Variants in FBN2 observed in about 807,000 individuals in gnomAD.
FBN2 encodes the protein fibrillin 2.
In FBN2, 105 loss-of-function variants were observed where a neutral mutation model predicts 355.6. The ratio of observed to expected loss-of-function variants is 0.30; its 90% CI spans 0.25 to 0.35. The LOEUF (loss-of-function observed/expected upper bound fraction) is 0.35, where lower values mean the gene tolerates loss of function less well. Ranked by LOEUF, FBN2 falls within the 10% of genes least tolerant of loss-of-function variation. FBN2 has a pLI of 1.00. For synonymous variants in FBN2, 1,350 were observed against 1,301.2 expected, an observed-to-expected ratio of 1.04 and a Z score of -0.81; for missense variants, 3,280 against 3,758.7, an observed-to-expected ratio of 0.87 and a Z score of 3.33.
At chr5:128,433,985 C>G (rs547912646) in intron 7 of FBN2, among the ~76,000 whole-genome samples, 1 of 152,096 alleles carries the variant, frequency 6.6e-6, no homozygotes, top group Non-Finnish European at 1.5e-5. Flanking sequence ...GATTTTGTGT[C>G]TTCTAAAATA....
chr5:128,301,270 C>A, intron 47 of FBN2, 112 bp downstream of exon 47: 1 of 1,021,576 alleles, frequency 9.8e-7, no homozygotes, highest in Non-Finnish European at 1.5e-6. Context: ...TGGTCATGTG[C>A]TCTGATGATT....
At chr5:128,491,326 A>C (rs115982470) in intron 5 of FBN2, among the ~76,000 whole-genome samples, 2,359 of 152,340 alleles carry the variant, frequency 0.015, 66 homozygotes, top group African/African-American at 0.053. Context: ...TAACGCAATA[A>C]GAGCTTTTTA....
chr5:128,402,405 G>A (rs1301248393), intron 8 of FBN2, among the ~76,000 whole-genome samples: 1 of 151,684 alleles, frequency 6.6e-6, no homozygotes, highest in African/African-American at 2.4e-5. Flanking sequence ...AGGCTTACAA[G>A]GAGTCATATT....
chr5:128,428,221 C>T (rs1362875061), intron 7 of FBN2, among the ~76,000 whole-genome samples: 1 of 152,148 alleles, frequency 6.6e-6, no homozygotes, highest in Non-Finnish European at 1.5e-5. Flanking sequence ...CCCTTATTAT[C>T]TTGTTACTAC....
At chr5:128,288,663 G>C (rs1285724801) in intron 52 of FBN2, 106 bp from the exon 53 acceptor site, 2 of 1,299,542 alleles carry the variant, frequency 1.5e-6, no homozygotes, top group Admixed American at 1.7e-5. Context: ...ATCTGAGAAG[G>C]GCACATGTAA....
At chr5:128,353,375 AAAAGTTACAGGGC>A (rs1232713900) in intron 20 of FBN2, among the ~76,000 whole-genome samples, 2 of 152,192 alleles carry the variant, frequency 1.3e-5, no homozygotes, top group African/African-American at 4.8e-5. Context: ...GTACTGAATA[AAAAGTTACAGGGC>A]AAAGGTGTGA....
chr5:128,290,902 C>T lies in FBN2; in HGVS notation c.6293-18G>A. 1 of 1,611,370 alleles carries T rather than the reference C, an allele frequency of 6.2e-7. No individual in the cohort carries two copies. ...GCGAGTATCTAATCAAAAAAGCAAACATTACAGATGGAATTATTTTGTAAC... is the reference window on the plus strand; with the variant it reads ...GCGAGTATCTAATCAAAAAAGCAAATATTACAGATGGAATTATTTTGTAAC... On this transcript the variant is annotated intron_variant, in intron 49 of 64. Transcript: ENST00000262464.
chr5:128,305,362 T>C lies in FBN2; in HGVS notation c.5674+149A>G, dbSNP rs891906189. 1.8e-5 allele frequency: 17 copies of C among 943,818 alleles called. No homozygotes were observed. The South Asian group carries it at 1.9e-4, about 10-fold the overall frequency. 58.5% of individuals were successfully genotyped at this position (943,818 alleles called of 1,614,324 possible). A position where few individuals can be genotyped will look rare whatever the true frequency, so the allele number is the denominator to read the frequency against. On this transcript the variant is annotated intron_variant, in intron 44 of 64. Coordinates refer to ENST00000262464, the MANE Select transcript of FBN2 (RefSeq NM_001999.4). The stretch of plus-strand genomic sequence containing the variant: ...GAAGAGATCTATTTTCTTAACAAAA[T>C]CATCTAAAAGATATGGTGAAATAGG...
chr5:128,486,089 T>C (rs1459396157), intron 5 of FBN2, among the ~76,000 whole-genome samples: 1 of 152,212 alleles, frequency 6.6e-6, no homozygotes, highest in South Asian at 2.1e-4. Context: ...AATGCCCATA[T>C]ATAAAAGTAT....
chr5:128,399,425 A>G (rs1280883035), intron 8 of FBN2, among the ~76,000 whole-genome samples: 2 of 152,228 alleles, frequency 1.3e-5, no homozygotes, highest in African/African-American at 2.4e-5. Flanking sequence ...TCATGTTTGC[A>G]GAGGGCAAAT....
At chr5:128,370,103 T>A (rs1394412190) in intron 15 of FBN2, among the ~76,000 whole-genome samples, 1 of 152,172 alleles carries the variant, frequency 6.6e-6, no homozygotes, top group Non-Finnish European at 1.5e-5. Context: ...AAACTCTTCC[T>A]CTTTCTAGTA....
intron 5 of FBN2, among the ~76,000 whole-genome samples, chr5:128,497,878 A>T (rs1214585024): frequency 6.6e-6 from 1 of 152,238 alleles, no homozygotes. Context: ...ATATGCCAGA[A>T]CATACTTAGT....
intron 5 of FBN2, among the ~76,000 whole-genome samples, chr5:128,481,290 G>C (rs1402176521): frequency 1.3e-5 from 2 of 152,170 alleles, no homozygotes; most frequent in Non-Finnish European, 2.9e-5. Flanking sequence ...ATTCATGACT[G>C]TTAGCCTTTA....
intron 11 of FBN2, among the ~76,000 whole-genome samples, chr5:128,390,117 C>T (rs1404435605): frequency 6.6e-6 from 1 of 152,154 alleles, no homozygotes; most frequent in African/African-American, 2.4e-5. Flanking sequence ...ATGGTCTCTT[C>T]TTTCACCACG....
chr5:128,277,767 A>T, intron 58 of FBN2, 113 bp downstream of exon 58: 1 of 1,211,494 alleles, frequency 8.3e-7, no homozygotes, highest in Non-Finnish European at 1.2e-6. Context: ...ATTTTAATAA[A>T]ATATATATTC....
intron 34 of FBN2, 29 bp from the exon 35 acceptor site, chr5:128,319,030 T>G: frequency 6.4e-7 from 1 of 1,552,910 alleles, no homozygotes; most frequent in East Asian, 2.3e-5. Context: ...AGTAATCTCT[T>G]ATTTAAGAAG....
intron 61 of FBN2, among the ~76,000 whole-genome samples, chr5:128,273,405 T>TAA (rs1474660450): frequency 1.3e-4 from 20 of 152,362 alleles, no homozygotes; most frequent in African/African-American, 4.8e-4. Flanking sequence ...ACAGCCATCA[T>TAA]TTCACCTTAG....
intron 2 of FBN2, among the ~76,000 whole-genome samples, chr5:128,532,062 A>G (rs970160999): frequency 6.6e-5 from 10 of 152,192 alleles, no homozygotes; most frequent in African/African-American, 2.4e-4. Flanking sequence ...GGAGACAGAC[A>G]ACATGAAATT....
intron 48 of FBN2, among the ~76,000 whole-genome samples, chr5:128,295,245 A>T (rs1236340689): frequency 2.0e-5 from 3 of 151,320 alleles, no homozygotes; most frequent in African/African-American, 7.3e-5. Context: ...GTAGCCTTGT[A>T]GTATAGTTTG....
Sources: gnomAD v4.1 joint callset for allele counts (sites outside exome capture counted in the v4.1 genomes callset) on GRCh38, gnomAD v4.1.1 for gene constraint, MANE v1.5 for transcripts, NCBI Gene and HGNC (gene_info 2026-07-23, HGNC 2026-07-21) for gene names.